The following GM2A variants were observed in gnomAD, a reference collection of about 807,000 sequenced individuals.
The protein encoded by GM2A is ganglioside GM2 activator.
In GM2A, 7 loss-of-function variants were observed where a neutral mutation model predicts 12.9. The ratio of observed to expected loss-of-function variants is 0.54; its 90% CI spans 0.31 to 1.02. GM2A has a LOEUF of 1.02. GM2A is among the 50% of genes least tolerant of loss of function. The pLI is 0.05. For synonymous variants in GM2A, 101 were observed against 96.0 expected, an observed-to-expected ratio of 1.05 and a Z score of -0.30; for missense variants, 246 against 241.0, an observed-to-expected ratio of 1.02 and a Z score of -0.14.
chr5:151,256,573 T>C (rs1753690774), intron 1 of GM2A, among the ~76,000 whole-genome samples: 1 of 139,956 alleles, frequency 7.1e-6, no homozygotes, highest in African/African-American at 2.7e-5. Flanking sequence ...GCTGCTGCAC[T>C]CCAGCCTGGA....
In GM2A at chr5:151,269,471, G is replaced by A. The variant is rs913707114; in HGVS notation, c.*2020G>A. The A allele has an allele frequency of 1.0e-6, 1 of 984,190 alleles. No individual in the cohort carries two copies. The highest frequency in any genetic ancestry group is 1.7e-5 in the African/African-American group (1 of 57,288). The allele number at this position is 984,190 out of a possible 1,614,324, so 61.0% of individuals were successfully genotyped here. A position where few individuals can be genotyped will look rare whatever the true frequency, so the allele number is the denominator to read the frequency against. ...TTTTGCTTTCCATCACATCATGACT[G>A]CGGAGAGCAAAAATCACCTAGTGAC... is the stretch of plus-strand genomic sequence containing the variant. On this transcript the variant is annotated 3_prime_UTR_variant, in exon 4 of 4. Coordinates refer to ENST00000357164, the MANE Select transcript of GM2A (RefSeq NM_000405.5).
chr5:151,259,606 T>C (rs1239255881), intron 1 of GM2A, 149 bp from the exon 2 acceptor site: 12 of 696,124 alleles, frequency 1.7e-5, no homozygotes, highest in Non-Finnish European at 3.1e-5. Context: ...CCCAGCTTCA[T>C]AGGTATGGAG....
intron 2 of GM2A, among the ~76,000 whole-genome samples, chr5:151,261,105 G>C (rs1242997754): frequency 6.6e-6 from 1 of 151,792 alleles, no homozygotes; most frequent in Non-Finnish European, 1.5e-5. Context: ...GCTTACTGCA[G>C]CCTTGACCTC....
chr5:151,261,819 C>T (rs2127237015), intron 2 of GM2A, among the ~76,000 whole-genome samples: 1 of 152,340 alleles, frequency 6.6e-6, no homozygotes, highest in East Asian at 1.9e-4. Context: ...GGCAATCCAC[C>T]TGCCTCAGCC....
At chr5:151,263,382 CGT>C (rs1753832283) in intron 2 of GM2A, among the ~76,000 whole-genome samples, 1 of 151,330 alleles carries the variant, frequency 6.6e-6, no homozygotes, top group Non-Finnish European at 1.5e-5. Flanking sequence ...CAATATTTCT[CGT>C]ATATATATAT....
At chr5:151,265,253 G>A (rs1039514691) in intron 2 of GM2A, among the ~76,000 whole-genome samples, 1 of 152,170 alleles carries the variant, frequency 6.6e-6, no homozygotes, top group Admixed American at 6.5e-5. Context: ...CACAGGATGT[G>A]CTAACTTCTT....
intron 2 of GM2A, 66 bp from the exon 3 acceptor site, chr5:151,266,665 G>A: frequency 8.6e-7 from 1 of 1,158,336 alleles, no homozygotes; most frequent in African/African-American, 1.5e-5. Context: ...AGAAGAGCTG[G>A]TATGTTTGCC....
Position 151,259,766 on chromosome 5 carries a change from C to T in GM2A, c.93C>T (p.Leu31=), listed in dbSNP as rs1335791641. The T allele has an allele frequency of 6.2e-7, 1 of 1,613,928 alleles. No homozygotes were observed. The highest frequency in any genetic ancestry group is 8.5e-7 in the Non-Finnish European group (1 of 1,179,816). Residue 31 remains leucine (L), a synonymous_variant, in exon 2 of 4, where the codon CTC becomes CTT. Coordinates refer to ENST00000357164, the MANE Select transcript of GM2A (RefSeq NM_000405.5). ...AQAHLKKPSQ[L]SSFSWDNCDE... ...CTGATTGTCCCCAGCCATCCCAGCT[C>T]AGTAGCTTTTCCTGGGATAACTGTG... is the stretch of plus-strand genomic sequence containing the variant.
chr5:151,253,967 A>G (rs1387277630), intron 1 of GM2A, among the ~76,000 whole-genome samples: 1 of 152,212 alleles, frequency 6.6e-6, no homozygotes, highest in Non-Finnish European at 1.5e-5. Flanking sequence ...TTCCTGGCTT[A>G]TTGCAGCTAG....
intron 1 of GM2A, among the ~76,000 whole-genome samples, chr5:151,253,595 G>A (rs1329264536): frequency 6.6e-6 from 1 of 151,836 alleles, no homozygotes; most frequent in Non-Finnish European, 1.5e-5. Flanking sequence ...ATTGCCCCCA[G>A]AGATTCAGTC....
chr5:151,254,165 C>T (rs1701249203), intron 1 of GM2A, among the ~76,000 whole-genome samples: 1 of 152,158 alleles, frequency 6.6e-6, no homozygotes, highest in South Asian at 2.1e-4. Context: ...TGTTGATGGA[C>T]ACTTAGGTTA....
In GM2A at chr5:151,267,383, A is replaced by G. The variant is rs1245543470; in HGVS notation, c.514A>G (p.Ser172Gly). 1 of 1,613,932 alleles carries G rather than the reference A, an allele frequency of 6.2e-7. No individual in the cohort carries two copies. Among genetic ancestry groups the G allele is most frequent in the South Asian group, 1.1e-5 (1 of 91,042 alleles). The part of the protein sequence containing the change: ...WLTTGNYRIE[S>G]VLSSSGKRLG... ...CACCACCGGGAACTACCGCATAGAG[A>G]GCGTCCTGAGCAGCAGTGGGAAGCG... Residue 172 changes from serine to glycine, a missense_variant, in exon 4 of 4, where the codon AGC becomes GGC. Transcript: ENST00000357164.
chr5:151,257,040 G>C (rs549294701), intron 1 of GM2A, among the ~76,000 whole-genome samples: 1 of 152,066 alleles, frequency 6.6e-6, no homozygotes, highest in Non-Finnish European at 1.5e-5. Context: ...AACCCCTAGG[G>C]GGTTAACTTA....
At chr5:151,258,903 TGA>T (rs1342096723) in intron 1 of GM2A, among the ~76,000 whole-genome samples, 1 of 150,578 alleles carries the variant, frequency 6.6e-6, no homozygotes, top group Non-Finnish European at 1.5e-5. Context: ...CTGGGAGAGG[TGA>T]GAGTGGGTGG....
intron 1 of GM2A, among the ~76,000 whole-genome samples, chr5:151,256,589 G>C (rs1434210734): frequency 7.0e-6 from 1 of 142,548 alleles, no homozygotes; most frequent in African/African-American, 2.6e-5. Flanking sequence ...CTGGATGACA[G>C]AGTGAGACTC....
At chr5:151,255,823 C>G (rs377455329) in intron 1 of GM2A, among the ~76,000 whole-genome samples, 1 of 152,126 alleles carries the variant, frequency 6.6e-6, no homozygotes, top group Non-Finnish European at 1.5e-5. Flanking sequence ...CAGGGCTGGC[C>G]GCTATGAGGT....
Position 151,254,961 on chromosome 5 carries a change from A to G in GM2A, c.81+1664A>G, listed in dbSNP as rs144301844. Among the ~76,000 whole-genome samples, 24 of 152,330 alleles carry G rather than the reference A, an allele frequency of 1.6e-4. No homozygotes were observed. In the East Asian group the frequency reaches 3.7e-3, roughly 23 times the overall value. On this transcript the variant is annotated intron_variant, in intron 1 of 3. Coordinates refer to ENST00000357164, the MANE Select transcript of GM2A (RefSeq NM_000405.5). ...AAACAACTAAGAGAATACATTTCAC[A>G]TTGCAGTGTACCCCATAAATGTATA...
At chr5:151,263,253 A>G (rs1753830569) in intron 2 of GM2A, among the ~76,000 whole-genome samples, 1 of 151,586 alleles carries the variant, frequency 6.6e-6, no homozygotes, top group South Asian at 2.1e-4. Flanking sequence ...CTTTTTTAGT[A>G]GAGATGGGGT....
chr5:151,268,675 C>G lies in GM2A; in HGVS notation c.*1224C>G, dbSNP rs1753946476. On this transcript the variant is annotated 3_prime_UTR_variant, in exon 4 of 4. Transcript: ENST00000357164. Reference sequence around the variant, plus strand: ...TCCAGCCTGGTGACAGAGTGAGACTCTGTCTCAAAAAAAAAGTTTCAATGT... The same window carrying G: ...TCCAGCCTGGTGACAGAGTGAGACTGTGTCTCAAAAAAAAAGTTTCAATGT... The G allele has an allele frequency of 1.7e-6, 1 of 601,260 alleles. No individual in the cohort carries two copies. Among genetic ancestry groups the G allele is most frequent in the Non-Finnish European group, 2.0e-6 (1 of 492,724 alleles). 37.2% of individuals were successfully genotyped at this position (601,260 alleles called of 1,614,324 possible). A position where few individuals can be genotyped will look rare whatever the true frequency, so the allele number is the denominator to read the frequency against.
Sources: allele counts gnomAD v4.1 joint callset (sites outside exome capture counted in the v4.1 genomes callset), GRCh38; gene constraint gnomAD v4.1.1; transcripts MANE v1.5; gene names NCBI Gene and HGNC (gene_info 2026-07-23, HGNC 2026-07-21).